The following CRB1 variants were observed in gnomAD, a reference collection of about 807,000 sequenced individuals.
The protein encoded by CRB1 is protein crumbs homolog 1.
CRB1 carries 83 observed loss-of-function variants against 120.0 expected under a neutral mutation model. That is an observed-to-expected ratio of 0.69 (90% CI 0.58 to 0.83). The LOEUF is 0.83. Among genes scored for constraint, CRB1 ranks in the 40% least tolerant of loss-of-function variants. The probability of loss-of-function intolerance (pLI) is 0.00; values close to 1 mark genes in which losing one functional copy is unlikely to be tolerated. For synonymous variants in CRB1, 625 were observed against 612.5 expected, an observed-to-expected ratio of 1.02 and a Z score of -0.30; for missense variants, 1,699 against 1,687.6, an observed-to-expected ratio of 1.01 and a Z score of -0.12.
At chr1:197,279,537 C>CTT (rs747284548) in intron 1 of CRB1, among the ~76,000 whole-genome samples, 3 of 130,842 alleles carry the variant, frequency 2.3e-5, no homozygotes, top group African/African-American at 8.4e-5. Context: ...TGTTTTCTGG[C>CTT]TTTTTTTTTT....
the CRB1 span, among the ~76,000 whole-genome samples, chr1:197,234,336 TG>T: frequency 2.6e-5 from 4 of 152,166 alleles, no homozygotes; most frequent in Non-Finnish European, 4.4e-5. Context: ...TAGCTTTCTC[TG>T]GGAGAAGCAA....
chr1:197,471,033 T>C (rs1263393699), intron 11 of CRB1, among the ~76,000 whole-genome samples: 1 of 152,146 alleles, frequency 6.6e-6, no homozygotes, highest in Admixed American at 6.5e-5. Flanking sequence ...TTTTTCTCAT[T>C]TATCTCCAAT....
the CRB1 span, among the ~76,000 whole-genome samples, chr1:197,228,163 C>T: frequency 1.3e-5 from 2 of 152,142 alleles, no homozygotes; most frequent in African/African-American, 4.8e-5. Flanking sequence ...ACATTTTCCC[C>T]CTTGTTTTGG....
At chr1:197,222,418 A>G in the CRB1 span, 1 of 768,314 alleles carries the variant, frequency 1.3e-6, no homozygotes, top group South Asian at 1.3e-5. Context: ...GACCTATTTC[A>G]TCGTCCTCGG....
intron 4 of CRB1, among the ~76,000 whole-genome samples, chr1:197,352,153 G>C (rs1660144701): frequency 6.6e-6 from 1 of 152,176 alleles, no homozygotes; most frequent in African/African-American, 2.4e-5. Flanking sequence ...CCAGGGATGT[G>C]ACTCAGTATC....
chr1:197,411,593 C>A (rs1375243669), intron 5 of CRB1, among the ~76,000 whole-genome samples: 1 of 152,108 alleles, frequency 6.6e-6, no homozygotes. Flanking sequence ...CTATTCCATT[C>A]TGTCCCAACC....
In CRB1 at chr1:197,429,546, T is replaced by A. The variant is rs1376084761; in HGVS notation, c.2774T>A (p.Val925Asp). ...ALTSGKACEE[V>D]QWCGFSPCPH... ...ACAAGTGGGAAAGCCTGTGAGGAGGTTCAGTGGTGTGGATTCAGCCCGTGT... is the reference window on the plus strand; with the variant it reads ...ACAAGTGGGAAAGCCTGTGAGGAGGATCAGTGGTGTGGATTCAGCCCGTGT... Residue 925 changes from valine (V) to aspartate (D), a missense_variant, in exon 8 of 12, where the codon GTT becomes GAT. Val to Asp is a radical substitution (Grantham distance 152). Coordinates refer to ENST00000367400, the MANE Select transcript of CRB1 (RefSeq NM_201253.3). 1 of 1,613,890 alleles carries A rather than the reference T, an allele frequency of 6.2e-7. No homozygotes were observed. Among genetic ancestry groups the A allele is most frequent in the South Asian group, 1.1e-5 (1 of 91,060 alleles).
chr1:197,414,064 T>G (rs887937754), intron 5 of CRB1: 3 of 385,062 alleles, frequency 7.8e-6, no homozygotes, highest in Non-Finnish European at 1.6e-5. Context: ...AGATGTTTAT[T>G]TAGCAACTAT....
intron 5 of CRB1, among the ~76,000 whole-genome samples, chr1:197,361,926 T>G (rs918736188): frequency 1.3e-5 from 2 of 151,986 alleles, no homozygotes; most frequent in Admixed American, 6.5e-5. Context: ...AGGTAGGAAG[T>G]TTTATTACTG....
At chr1:197,206,059 G>A in the CRB1 span, among the ~76,000 whole-genome samples, 1 of 151,934 alleles carries the variant, frequency 6.6e-6, no homozygotes, top group African/African-American at 2.4e-5. Context: ...GTACACAGTA[G>A]CCTTCAATGA....
At chr1:197,374,219 T>A (rs1661525001) in intron 5 of CRB1, among the ~76,000 whole-genome samples, 1 of 152,084 alleles carries the variant, frequency 6.6e-6, no homozygotes, top group Admixed American at 6.5e-5. Context: ...TTGATTCTAG[T>A]TGTTCTCATT....
chr1:197,435,678 A>G, intron 9 of CRB1, 66 bp downstream of exon 9: 1 of 1,386,074 alleles, frequency 7.2e-7, no homozygotes, highest in Non-Finnish European at 1.0e-6. Context: ...TTCTTGTCAA[A>G]TTGGAAAGCT....
chr1:197,472,911 AG>A, intron 11 of CRB1, among the ~76,000 whole-genome samples: 1 of 152,306 alleles, frequency 6.6e-6, no homozygotes, highest in Middle Eastern at 3.4e-3. Context: ...CATGGATCAA[AG>A]TTCTTGTCCT....
At chr1:197,314,639 G>GT (rs1259112453) in intron 1 of CRB1, among the ~76,000 whole-genome samples, 1 of 152,074 alleles carries the variant, frequency 6.6e-6, no homozygotes, top group Non-Finnish European at 1.5e-5. Context: ...GCTAAAATAT[G>GT]TTTTTTCCCT....
At chr1:197,349,326 A>T (rs1408909728) in intron 4 of CRB1, among the ~76,000 whole-genome samples, 1 of 152,224 alleles carries the variant, frequency 6.6e-6, no homozygotes, top group African/African-American at 2.4e-5. Context: ...TTGTGTAATG[A>T]CTTACTTCTC....
intron 11 of CRB1, among the ~76,000 whole-genome samples, chr1:197,470,673 G>A (rs1441237080): frequency 6.6e-6 from 1 of 152,202 alleles, no homozygotes; most frequent in African/African-American, 2.4e-5. Context: ...CTGCATCTAT[G>A]CTTCTGCCTA....
At chr1:197,251,450 C>G in the CRB1 span, among the ~76,000 whole-genome samples, 599 of 151,934 alleles carry the variant, frequency 3.9e-3, 4 homozygotes, top group African/African-American at 0.014. Flanking sequence ...CATGTAATTG[C>G]GTGGAATACA....
chr1:197,455,644 T>C (rs888260425), intron 11 of CRB1, among the ~76,000 whole-genome samples: 5 of 152,196 alleles, frequency 3.3e-5, no homozygotes, highest in Non-Finnish European at 7.4e-5. Flanking sequence ...AGGAATTTAC[T>C]ATCTGAACAA....
At chr1:197,400,572 G>A (rs1663015816) in intron 5 of CRB1, among the ~76,000 whole-genome samples, 1 of 151,746 alleles carries the variant, frequency 6.6e-6, no homozygotes, top group African/African-American at 2.4e-5. Context: ...TGTATCTCTG[G>A]AACTCTTACA....
Sources: gnomAD v4.1 joint callset for allele counts (sites outside exome capture counted in the v4.1 genomes callset) on GRCh38, gnomAD v4.1.1 for gene constraint, MANE v1.5 for transcripts, NCBI Gene and HGNC (gene_info 2026-07-23, HGNC 2026-07-21) for gene names.